Variants in PDE4D observed in about 807,000 individuals in gnomAD.
PDE4D encodes the protein phosphodiesterase 4D.
Under a neutral mutation model 87.4 loss-of-function variants are expected in PDE4D, and 24 were observed. The ratio of observed to expected loss-of-function variants is 0.27; its 90% confidence interval spans 0.20 to 0.39. The LOEUF (loss-of-function observed/expected upper bound fraction) is 0.39. Ranked by LOEUF, PDE4D falls within the 10% of genes least tolerant of loss-of-function variation. The pLI is 1.00. For synonymous variants in PDE4D, 384 were observed against 383.2 expected (o/e 1.00, Z -0.02); for missense variants, 714 against 1,041.0 (o/e 0.69, Z 4.32).
intron 1 of PDE4D, among the ~76,000 whole-genome samples, chr5:59,875,612 T>G (rs1748470549): frequency 6.6e-6 from 1 of 152,036 alleles, no homozygotes; most frequent in African/African-American, 2.4e-5. Context: ...ATCCTTGAGC[T>G]TTTCCCCACT....
intron 1 of PDE4D, among the ~76,000 whole-genome samples, chr5:59,624,924 G>A (rs1037530909): frequency 6.6e-6 from 1 of 152,020 alleles, no homozygotes; most frequent in Non-Finnish European, 1.5e-5. Flanking sequence ...CAAATATAAT[G>A]GAAACACTGC....
At chr5:59,441,360 G>A (rs1439727559) in intron 1 of PDE4D, among the ~76,000 whole-genome samples, 1 of 152,216 alleles carries the variant, frequency 6.6e-6, no homozygotes, top group African/African-American at 2.4e-5. Flanking sequence ...GCCTCCCAAA[G>A]TGCTGCGATT....
At chr5:60,170,846 C>T (rs535743611) in intron 2 of PDE4D, among the ~76,000 whole-genome samples, 1 of 152,034 alleles carries the variant, frequency 6.6e-6, no homozygotes, top group South Asian at 2.1e-4. Context: ...AATGATGAAA[C>T]TTCCAATAGT....
intron 2 of PDE4D, among the ~76,000 whole-genome samples, chr5:60,042,850 G>A (rs1768683925): frequency 6.6e-6 from 1 of 152,150 alleles, no homozygotes; most frequent in African/African-American, 2.4e-5. Context: ...AGGAACCAGT[G>A]CAAAAAGTCT....
At chr5:59,047,740 C>A (rs1268892828) in intron 5 of PDE4D, among the ~76,000 whole-genome samples, 1 of 152,232 alleles carries the variant, frequency 6.6e-6, no homozygotes, top group Non-Finnish European at 1.5e-5. Context: ...ATGCTGAAAT[C>A]TAATCCCCGG....
intron 1 of PDE4D, among the ~76,000 whole-genome samples, chr5:59,669,173 G>GCAACCTCTGCTCACCA (rs1248816027): frequency 6.6e-6 from 1 of 152,152 alleles, no homozygotes; most frequent in Non-Finnish European, 1.5e-5. Context: ...TTGGCTCACT[G>GCAACCTCTGCTCACCA]CAACCTCTGC....
chr5:60,268,294 A>C (rs1750455001), intron 1 of PDE4D, among the ~76,000 whole-genome samples: 1 of 152,208 alleles, frequency 6.6e-6, no homozygotes, highest in African/African-American at 2.4e-5. Flanking sequence ...AAAATTCAGT[A>C]ATGGGAGGCG....
intron 1 of PDE4D, among the ~76,000 whole-genome samples, chr5:59,876,987 CA>C (rs1394771079): frequency 1.3e-5 from 2 of 152,262 alleles, no homozygotes; most frequent in East Asian, 3.9e-4. Flanking sequence ...AAAATGCATA[CA>C]TAGAACCACA....
chr5:60,166,982 T>C (rs1782966395), intron 2 of PDE4D, among the ~76,000 whole-genome samples: 1 of 152,170 alleles, frequency 6.6e-6, no homozygotes, highest in Non-Finnish European at 1.5e-5. Flanking sequence ...GGACCCTCTC[T>C]TTGTCTTTGA....
In PDE4D at chr5:60,368,784, C is replaced by G. The variant is rs139902798; in HGVS notation, c.-90+119158G>C. Among the ~76,000 whole-genome samples, 883 of 152,218 alleles carry G rather than the reference C, an allele frequency of 5.8e-3. 5 individuals carry two copies. Among genetic ancestry groups the G allele is most frequent in the Non-Finnish European group, 8.5e-3 (575 of 68,006 alleles). On this transcript the variant is annotated intron_variant, in intron 1 of 16. Transcript: ENST00000502484. ...TGTGTACCAGCTCCCCCTTCTCTCT[C>G]TCTTCTTCCTGCTCCATCCAAGTGA...
At chr5:60,429,091 GTTTCTCTAGCTATAAGA>G (rs1410170327) in intron 1 of PDE4D, among the ~76,000 whole-genome samples, 2 of 152,140 alleles carry the variant, frequency 1.3e-5, no homozygotes, top group East Asian at 3.9e-4. Flanking sequence ...AAATGTTATG[GTTTCTCTAGCTATAAGA>G]TTTCAGAGGA....
Position 59,463,558 on chromosome 5 carries a change from G to T in PDE4D, c.456-247590C>A, listed in dbSNP as rs374962836. Among the ~76,000 whole-genome samples, 18 of 152,126 alleles carry T rather than the reference G, an allele frequency of 1.2e-4. No homozygotes were observed. The East Asian group carries it at 1.7e-3, about 15-fold the overall frequency. ...TTTCCCTTAAAGCCAGGTGGCCAAG[G>T]TTTCATCTCTGCTAACAAAGGTATT... is the stretch of plus-strand genomic sequence containing the variant. On this transcript the variant is annotated intron_variant, in intron 1 of 14. Transcript: ENST00000340635.
intron 2 of PDE4D, among the ~76,000 whole-genome samples, chr5:60,020,106 G>A (rs754444343): frequency 3.3e-5 from 5 of 152,096 alleles, no homozygotes; most frequent in Non-Finnish European, 7.3e-5. Flanking sequence ...CAGAGAATAG[G>A]GAGGTTTGAG....
intron 1 of PDE4D, among the ~76,000 whole-genome samples, chr5:59,636,717 C>G (rs1197862100): frequency 6.6e-6 from 1 of 152,176 alleles, no homozygotes; most frequent in Non-Finnish European, 1.5e-5. Flanking sequence ...AAAACTGAAA[C>G]TGGACCCCTT....
At chr5:60,432,752 A>G (rs1390966955) in intron 1 of PDE4D, among the ~76,000 whole-genome samples, 1 of 152,170 alleles carries the variant, frequency 6.6e-6, no homozygotes, top group Non-Finnish European at 1.5e-5. Context: ...CTGGAACAGA[A>G]TAGGGAGCCC....
chr5:59,406,262 T>G (rs1791596855), intron 1 of PDE4D, among the ~76,000 whole-genome samples: 1 of 152,142 alleles, frequency 6.6e-6, no homozygotes, highest in African/African-American at 2.4e-5. Context: ...TAGGTTGTAT[T>G]TGTCTAGGAA....
chr5:59,680,333 G>A (rs1465474891), intron 1 of PDE4D, among the ~76,000 whole-genome samples: 2 of 152,090 alleles, frequency 1.3e-5, no homozygotes, highest in African/African-American at 4.8e-5. Context: ...CAGATTTTCT[G>A]ATTTAGATCA....
intron 1 of PDE4D, among the ~76,000 whole-genome samples, chr5:59,740,342 C>CT (rs917053018): frequency 1.1e-4 from 17 of 151,856 alleles, no homozygotes; most frequent in African/African-American, 3.1e-4. Flanking sequence ...AACAGTCATC[C>CT]TTTTTTTTCT....
chr5:59,043,758 A>G (rs1158299961), intron 5 of PDE4D, among the ~76,000 whole-genome samples: 2 of 132,128 alleles, frequency 1.5e-5, no homozygotes, highest in African/African-American at 5.9e-5. Context: ...TCCTATGTCC[A>G]TGTGTTCGCA....
Sources: allele counts gnomAD v4.1 joint callset (sites outside exome capture counted in the v4.1 genomes callset), GRCh38; gene constraint gnomAD v4.1.1; transcripts MANE v1.5; gene names NCBI Gene and HGNC (gene_info 2026-07-23, HGNC 2026-07-21).